TTYH3: variants seen among roughly 807,000 people sequenced by gnomAD.
TTYH3 encodes tweety family member 3, also known as protein tweety homolog 3.
TTYH3 carries 23 observed loss-of-function variants against 68.2 expected under a neutral mutation model. The observed-to-expected ratio is 0.34, with a 90% CI of 0.24 to 0.48. The LOEUF is 0.48. TTYH3 is among the 20% of genes least tolerant of loss of function. The probability of loss-of-function intolerance (pLI) is 0.99; values close to 1 mark genes in which losing one functional copy is unlikely to be tolerated. For synonymous variants in TTYH3, 360 were observed against 332.8 expected (o/e 1.08, Z -0.89); for missense variants, 768 against 727.7 (o/e 1.06, Z -0.64).
In TTYH3 at chr7:2,649,929, G is replaced by A; in HGVS notation, c.812G>A (p.Cys271Tyr). Residue 271 changes from cysteine (C) to tyrosine (Y), a missense_variant, in exon 7 of 14, where the codon TGT (cysteine) becomes TAT (tyrosine). Physicochemically the swap from Cys to Tyr is radical, Grantham distance 194. Transcript: ENST00000258796. ...LAVSVGSSDFCVDPDAYVTKM... is the reference protein window; with the variant it reads ...LAVSVGSSDFYVDPDAYVTKM... ...CCACCTCAGGGCTCCAGCGACTTCT[G>A]TGTGGACCCTGACGCCTACGTGACC... 2 of 1,614,028 alleles carry A rather than the reference G, an allele frequency of 1.2e-6. No homozygotes were observed. The highest frequency in any genetic ancestry group is 2.7e-5 in the African/African-American group (2 of 75,042).
intron 1 of TTYH3, among the ~76,000 whole-genome samples, chr7:2,633,311 G>A (rs537501332): frequency 6.6e-6 from 1 of 152,292 alleles, no homozygotes; most frequent in East Asian, 1.9e-4. Flanking sequence ...TCCGCGGGCA[G>A]CCTAGCACCT....
intron 13 of TTYH3, among the ~76,000 whole-genome samples, chr7:2,660,738 A>T (rs1180198004): frequency 6.6e-6 from 1 of 151,482 alleles, no homozygotes; most frequent in African/African-American, 2.4e-5. Context: ...GAGTCTGGGG[A>T]CTATGGGGAT....
chr7:2,655,436 G>A (rs1786305833), intron 9 of TTYH3, among the ~76,000 whole-genome samples: 1 of 152,218 alleles, frequency 6.6e-6, no homozygotes, highest in African/African-American at 2.4e-5. Flanking sequence ...GTGAGCCACC[G>A]CTCCCGGCCC....
At position 2,650,913 on chromosome 7, in the gene TTYH3, G is replaced by A. The variant is rs113985303; in HGVS notation, c.871+925G>A. 3.3e-5 allele frequency among the ~76,000 whole-genome samples: 5 copies of A among 152,100 alleles called. 1 individual carries two copies. The highest frequency in any genetic ancestry group is 1.2e-4 in the African/African-American group (5 of 41,516). On this transcript the variant is annotated intron_variant, in intron 7 of 13. Coordinates refer to ENST00000258796, the MANE Select transcript of TTYH3 (RefSeq NM_025250.3). ...AGGGCGGAGCTGGCAGGACTTCCCG[G>A]TCAGTTGGATGTAGGGAGCGAGAGG...
chr7:2,643,416 G>A (rs1027735016), intron 1 of TTYH3, among the ~76,000 whole-genome samples: 2 of 151,474 alleles, frequency 1.3e-5, no homozygotes. Flanking sequence ...TGCCTTTTCT[G>A]TTTTTCTCAG....
Position 2,660,742 on chromosome 7 carries a change from T to C in TTYH3, c.1501-926T>C, listed in dbSNP as rs185214909. Among the ~76,000 whole-genome samples, 4 of 152,060 alleles carry C rather than the reference T, an allele frequency of 2.6e-5. No individual in the cohort carries two copies. In the East Asian group the frequency reaches 5.8e-4, roughly 22 times the overall value. On this transcript the variant is annotated intron_variant, in intron 13 of 13. Transcript: ENST00000258796. Reference sequence around the variant, plus strand: ...TCTGTGCCTCTGAGTCTGGGGACTATGGGGATGGGCCTGGGGCCCTGGGGT... The same window carrying C: ...TCTGTGCCTCTGAGTCTGGGGACTACGGGGATGGGCCTGGGGCCCTGGGGT...
chr7:2,660,639 C>T (rs879512648), intron 13 of TTYH3: 6 of 864,940 alleles, frequency 6.9e-6, no homozygotes, highest in African/African-American at 1.8e-5. Flanking sequence ...CTCCTCCCCC[C>T]ACCCCCTCCG....
chr7:2,649,002 G>T (rs1396866075), intron 5 of TTYH3, among the ~76,000 whole-genome samples: 1 of 115,164 alleles, frequency 8.7e-6, no homozygotes, highest in African/African-American at 3.4e-5. Context: ...GTGTTTTGGG[G>T]ATCTGAACTG....
intron 1 of TTYH3, among the ~76,000 whole-genome samples, chr7:2,632,942 G>A (rs573483475): frequency 6.6e-6 from 1 of 152,328 alleles, no homozygotes; most frequent in African/African-American, 2.4e-5. Context: ...AGCCCCCGGG[G>A]GAGGGAGGCC....
chr7:2,653,307 G>A (rs1170420008), intron 9 of TTYH3, among the ~76,000 whole-genome samples: 3 of 152,128 alleles, frequency 2.0e-5, no homozygotes, highest in African/African-American at 7.2e-5. Context: ...TGTTGCCCAG[G>A]TGGGTCTCAG....
intron 1 of TTYH3, among the ~76,000 whole-genome samples, chr7:2,642,642 C>A (rs1785879086): frequency 6.7e-6 from 1 of 149,360 alleles, no homozygotes; most frequent in East Asian, 2.0e-4. Context: ...GCAGGAGGAT[C>A]ACTTAAGCCC....
At chr7:2,646,262 G>T (rs1450254138) in intron 1 of TTYH3, among the ~76,000 whole-genome samples, 1 of 152,186 alleles carries the variant, frequency 6.6e-6, no homozygotes, top group South Asian at 2.1e-4. Flanking sequence ...TGATCCGCCC[G>T]CCTCGGCCTC....
intron 5 of TTYH3, 142 bp downstream of exon 5, chr7:2,648,196 G>T: frequency 1.3e-6 from 1 of 748,166 alleles, no homozygotes; most frequent in Non-Finnish European, 2.1e-6. Context: ...CCTGCACTGG[G>T]CCTGCTCTGA....
chr7:2,641,461 C>T (rs1785843440), intron 1 of TTYH3, among the ~76,000 whole-genome samples: 1 of 151,818 alleles, frequency 6.6e-6, no homozygotes, highest in African/African-American at 2.4e-5. Context: ...ACTGAGGCTG[C>T]AGGAGGGGGT....
At position 2,652,183 on chromosome 7, in the gene TTYH3, G is replaced by C; in HGVS notation, c.872-4G>C. ...GCTCAGCCTTCCCTGATGTCTCTCC[G>C]CAGACATCCTGCAGTACTACCTGGC... is the stretch of plus-strand genomic sequence containing the variant. On this transcript the variant is annotated splice_polypyrimidine_tract_variant and splice_region_variant and intron_variant, in intron 7 of 13. Coordinates refer to ENST00000258796, the MANE Select transcript of TTYH3 (RefSeq NM_025250.3). 2 of 1,613,118 alleles carry C rather than the reference G, an allele frequency of 1.2e-6. No homozygotes were observed. Among genetic ancestry groups the C allele is most frequent in the Non-Finnish European group, 1.7e-6 (2 of 1,179,816 alleles).
Position 2,652,974 on chromosome 7 carries a change from T to G in TTYH3, c.984T>G (p.Leu328=), listed in dbSNP as rs1015484731. The change falls in exon 9 of 14, where the codon CTT becomes CTG. Residue 328 remains leucine (L), a synonymous_variant. Transcript: ENST00000258796. The part of the protein sequence containing the change: ...LVEMQDVVAE[L]LRTVPWEQPA... ...AGATGCAGGATGTCGTGGCTGAGCT[T>G]CTGAGGACCGTCCCCTGGGAGCAGC... 7 of 1,576,024 alleles carry G rather than the reference T, an allele frequency of 4.4e-6. No individual in the cohort carries two copies. The East Asian group carries it at 1.4e-4, about 31-fold the overall frequency.
At chr7:2,654,154 G>A (rs1004465353) in intron 9 of TTYH3, among the ~76,000 whole-genome samples, 7 of 152,314 alleles carry the variant, frequency 4.6e-5, no homozygotes, top group African/African-American at 1.7e-4. Context: ...CAGCACTCTG[G>A]GGGGCTGAGG....
At chr7:2,654,321 G>C (rs1786273755) in intron 9 of TTYH3, among the ~76,000 whole-genome samples, 1 of 152,064 alleles carries the variant, frequency 6.6e-6, no homozygotes, top group African/African-American at 2.4e-5. Context: ...CTTGAGCCCG[G>C]GAGTTCAAAG....
intron 10 of TTYH3, 90 bp from the exon 11 acceptor site, chr7:2,656,308 T>C: frequency 6.4e-7 from 1 of 1,566,954 alleles, no homozygotes; most frequent in Non-Finnish European, 8.7e-7. Flanking sequence ...TGGGGGGCGG[T>C]CCAGGCCGCC....
Sources: gnomAD v4.1 joint callset for allele counts (sites outside exome capture counted in the v4.1 genomes callset) on GRCh38, gnomAD v4.1.1 for gene constraint, MANE v1.5 for transcripts, NCBI Gene and HGNC (gene_info 2026-07-23, HGNC 2026-07-21) for gene names.